Variants in SGK3 observed in about 807,000 individuals in gnomAD.
SGK3 encodes serine/threonine-protein kinase Sgk3.
Under a neutral mutation model 68.5 loss-of-function variants are expected in SGK3, and 47 were observed. The observed-to-expected ratio is 0.69, with a 90% CI of 0.54 to 0.87. The LOEUF (loss-of-function observed/expected upper bound fraction) is 0.87, where lower values mean the gene tolerates loss of function less well. SGK3 is among the 40% of genes least tolerant of loss of function. The pLI, the probability that SGK3 is intolerant of heterozygous loss-of-function variation, is 0.00. For synonymous variants in SGK3, 181 were observed against 189.1 expected (o/e 0.96, Z 0.35); for missense variants, 479 against 575.5 (o/e 0.83, Z 1.72).
chr8:66,824,834 ACAGT>A lies in SGK3; in HGVS notation c.417+2380_417+2383del, dbSNP rs556728149. 2.0e-3 allele frequency among the ~76,000 whole-genome samples: 303 copies of A among 152,374 alleles called. 1 individual carries two copies. The highest frequency in any genetic ancestry group is 7.0e-3 in the African/African-American group (290 of 41,592). ...TATGCATATTCACACAGTATGATTT[ACAGT>A]CAGTTTTTTAAAAAGATATGCAAAT... On this transcript the variant is annotated intron_variant, in intron 6 of 16. Transcript: ENST00000521198.
At chr8:66,764,121 C>A (rs1370751537) in intron 1 of SGK3, among the ~76,000 whole-genome samples, 1 of 152,188 alleles carries the variant, frequency 6.6e-6, no homozygotes, top group Admixed American at 6.5e-5. Flanking sequence ...CCTTGGCCCC[C>A]CAGAGTGCTG....
intron 1 of SGK3, chr8:66,767,898 A>G (rs761419986): frequency 6.6e-6 from 8 of 1,215,810 alleles, no homozygotes; most frequent in African/African-American, 1.5e-5. Context: ...GAGATCTCCC[A>G]TCTAAGGCTT....
At chr8:66,781,305 T>C (rs74696403) in intron 1 of SGK3, among the ~76,000 whole-genome samples, 5,012 of 152,282 alleles carry the variant, frequency 0.033, 297 homozygotes, top group African/African-American at 0.11. Flanking sequence ...CATGACATGG[T>C]TGAAGTAAAT....
intron 16 of SGK3, among the ~76,000 whole-genome samples, chr8:66,858,465 CAAAA>C (rs757431787): frequency 2.3e-5 from 2 of 86,278 alleles, no homozygotes. Context: ...GACTCTGTCT[CAAAA>C]AAAAAAAAAA....
intron 1 of SGK3, among the ~76,000 whole-genome samples, chr8:66,793,032 A>T (rs961197553): frequency 6.6e-6 from 1 of 152,214 alleles, no homozygotes; most frequent in African/African-American, 2.4e-5. Context: ...TGATATTAAC[A>T]TACTACATTT....
At chr8:66,739,716 G>A (rs1483692905) in intron 1 of SGK3, among the ~76,000 whole-genome samples, 3 of 152,152 alleles carry the variant, frequency 2.0e-5, no homozygotes, top group South Asian at 2.1e-4. Context: ...AATTTATAAA[G>A]GAAAGAGGTT....
intron 1 of SGK3, among the ~76,000 whole-genome samples, chr8:66,766,525 TATAA>T (rs537110238): frequency 3.3e-5 from 5 of 151,986 alleles, no homozygotes; most frequent in Non-Finnish European, 7.4e-5. Context: ...TGTCTCAAAA[TATAA>T]ATAAATAAAT....
intron 1 of SGK3, among the ~76,000 whole-genome samples, chr8:66,722,144 G>A (rs777989803): frequency 2.0e-5 from 3 of 152,216 alleles, no homozygotes; most frequent in South Asian, 2.1e-4. Flanking sequence ...CAGCTCGCCT[G>A]TAAAGGTGCG....
At chr8:66,821,767 C>T (rs905445262) in intron 5 of SGK3, among the ~76,000 whole-genome samples, 14 of 150,328 alleles carry the variant, frequency 9.3e-5, no homozygotes, top group Middle Eastern at 3.2e-3. Flanking sequence ...CCTCGTGATC[C>T]GCCCGCCTCT....
intron 7 of SGK3, among the ~76,000 whole-genome samples, chr8:66,830,894 A>G (rs887926098): frequency 1.3e-5 from 2 of 152,226 alleles, no homozygotes; most frequent in African/African-American, 4.8e-5. Flanking sequence ...TTTCCTCAAC[A>G]ACATTGGACC....
chr8:66,798,695 A>G, intron 3 of SGK3, 70 bp downstream of exon 3: 1 of 1,322,046 alleles, frequency 7.6e-7, no homozygotes, highest in Non-Finnish European at 1.0e-6. Flanking sequence ...AGAGAGATGT[A>G]TTTGAATGAT....
intron 1 of SGK3, among the ~76,000 whole-genome samples, chr8:66,721,173 A>T (rs563716409): frequency 6.6e-6 from 1 of 152,150 alleles, no homozygotes; most frequent in Non-Finnish European, 1.5e-5. Context: ...CTCTTCACAT[A>T]CTAAAGCCAC....
chr8:66,812,324 C>T (rs780888732), intron 4 of SGK3, among the ~76,000 whole-genome samples: 5 of 151,824 alleles, frequency 3.3e-5, no homozygotes, highest in Non-Finnish European at 7.4e-5. Flanking sequence ...TTTGGGAGGC[C>T]GAGGCAGGCA....
chr8:66,848,479 T>C (rs950914813), intron 15 of SGK3, among the ~76,000 whole-genome samples: 1 of 152,240 alleles, frequency 6.6e-6, no homozygotes, highest in African/African-American at 2.4e-5. Flanking sequence ...TGATCTTGCC[T>C]TCTATTTTGT....
At chr8:66,768,193 A>G (rs905973588) in intron 1 of SGK3, among the ~76,000 whole-genome samples, 2 of 152,202 alleles carry the variant, frequency 1.3e-5, no homozygotes, top group African/African-American at 2.4e-5. Flanking sequence ...TTACTGATAC[A>G]TTAGATATAA....
chr8:66,713,489 T>C (rs1804549749), intron 1 of SGK3, among the ~76,000 whole-genome samples: 1 of 152,194 alleles, frequency 6.6e-6, no homozygotes, highest in African/African-American at 2.4e-5. Flanking sequence ...GAACCATGAG[T>C]AGAATTTCAG....
intron 1 of SGK3, among the ~76,000 whole-genome samples, chr8:66,716,622 G>A (rs1804641086): frequency 6.6e-6 from 1 of 152,010 alleles, no homozygotes; most frequent in African/African-American, 2.4e-5. Flanking sequence ...TAGAGGATGA[G>A]GGACTGATAA....
At chr8:66,716,980 G>A (rs946058002) in intron 1 of SGK3, among the ~76,000 whole-genome samples, 1 of 151,874 alleles carries the variant, frequency 6.6e-6, no homozygotes, top group Non-Finnish European at 1.5e-5. Flanking sequence ...CAGATCACCT[G>A]AGTTCAGGAG....
chr8:66,799,111 G>C (rs183865950), intron 3 of SGK3, among the ~76,000 whole-genome samples: 42 of 152,310 alleles, frequency 2.8e-4, no homozygotes, highest in Non-Finnish European at 3.4e-4. Flanking sequence ...TACCTAGGTG[G>C]TAAGATCTAA....
Sources: allele counts gnomAD v4.1 joint callset (sites outside exome capture counted in the v4.1 genomes callset), GRCh38; gene constraint gnomAD v4.1.1; transcripts MANE v1.5; gene names NCBI Gene and HGNC (gene_info 2026-07-23, HGNC 2026-07-21).